PRELID2: variants seen among roughly 807,000 people sequenced by gnomAD.
PRELID2 encodes the protein PRELI domain containing 2.
PRELID2 carries 25 observed loss-of-function variants against 28.4 expected under a neutral mutation model. The ratio of observed to expected loss-of-function variants is 0.88; its 90% CI spans 0.64 to 1.23. PRELID2 has a LOEUF of 1.23. Ranked by LOEUF, PRELID2 falls within the 50% of genes most tolerant of loss-of-function variation. The pLI is 0.00. For missense variants in PRELID2, 201 were observed against 214.4 expected, an observed-to-expected ratio of 0.94 and a Z score of 0.39; for synonymous variants, 76 against 71.6, an observed-to-expected ratio of 1.06 and a Z score of -0.31.
the PRELID2 span, among the ~76,000 whole-genome samples, chr5:145,311,398 G>T: frequency 2.0e-5 from 3 of 152,110 alleles, no homozygotes; most frequent in East Asian, 1.9e-4. Context: ...TCTTGAAGTT[G>T]TTAGTTTTGG....
chr5:145,265,984 A>T, the PRELID2 span, among the ~76,000 whole-genome samples: 1 of 152,212 alleles, frequency 6.6e-6, no homozygotes, highest in Non-Finnish European at 1.5e-5. Context: ...TAAACTAAAA[A>T]GCTTCTGCAC....
the PRELID2 span, among the ~76,000 whole-genome samples, chr5:145,314,072 G>A: frequency 6.6e-6 from 1 of 152,104 alleles, no homozygotes; most frequent in Non-Finnish European, 1.5e-5. Context: ...TTTAAATTAT[G>A]TCATATCACT....
At chr5:145,692,803 A>G (rs1431945197) in intron 1 of PRELID2, among the ~76,000 whole-genome samples, 1 of 152,180 alleles carries the variant, frequency 6.6e-6, no homozygotes, top group Non-Finnish European at 1.5e-5. Context: ...CTTTAATGTT[A>G]AGTATACAGA....
At chr5:145,313,127 T>C in the PRELID2 span, among the ~76,000 whole-genome samples, 2 of 152,208 alleles carry the variant, frequency 1.3e-5, no homozygotes, top group African/African-American at 2.4e-5. Context: ...ATGTTACTAG[T>C]TCATAGAACT....
intron 1 of PRELID2, among the ~76,000 whole-genome samples, chr5:145,593,355 T>C (rs1261977469): frequency 6.6e-6 from 1 of 152,150 alleles, no homozygotes; most frequent in Admixed American, 6.6e-5. Context: ...ATCTGTAAAA[T>C]GAACCTGAAC....
At chr5:145,306,755 G>A in the PRELID2 span, among the ~76,000 whole-genome samples, 1 of 151,948 alleles carries the variant, frequency 6.6e-6, no homozygotes, top group Admixed American at 6.6e-5. Context: ...ATTAGTTTAT[G>A]AATTACGTAT....
At chr5:145,649,904 T>C (rs1267494742) in intron 1 of PRELID2, among the ~76,000 whole-genome samples, 1 of 152,234 alleles carries the variant, frequency 6.6e-6, no homozygotes, top group East Asian at 1.9e-4. Flanking sequence ...TGTCTGTTTT[T>C]ATCTCTTGTT....
the PRELID2 span, among the ~76,000 whole-genome samples, chr5:145,246,658 A>G: frequency 6.6e-6 from 1 of 152,274 alleles, no homozygotes; most frequent in East Asian, 1.9e-4. Context: ...GGTAAGAGAA[A>G]GAGAGCCAGT....
At chr5:145,308,593 A>G in the PRELID2 span, among the ~76,000 whole-genome samples, 1 of 152,102 alleles carries the variant, frequency 6.6e-6, no homozygotes, top group African/African-American at 2.4e-5. Context: ...ACGTAGGTGC[A>G]GATATTTTTA....
chr5:145,543,918 T>G (rs1752765160), intron 1 of PRELID2, among the ~76,000 whole-genome samples: 1 of 152,042 alleles, frequency 6.6e-6, no homozygotes, highest in African/African-American at 2.4e-5. Context: ...CTTTTCTTTC[T>G]GAGAACAGGT....
At chr5:145,647,438 T>A (rs62392285) in intron 1 of PRELID2, among the ~76,000 whole-genome samples, 4,807 of 152,258 alleles carry the variant, frequency 0.032, 146 homozygotes, top group African/African-American at 0.076. Flanking sequence ...TTCAAGCCAG[T>A]GGATCTTAGT....
intron 5 of PRELID2, among the ~76,000 whole-genome samples, chr5:145,786,261 C>T (rs1265667720): frequency 2.0e-5 from 3 of 152,190 alleles, no homozygotes; most frequent in Non-Finnish European, 4.4e-5. Context: ...CTCCTAGTGA[C>T]CTGTGCCTCC....
intron 1 of PRELID2, among the ~76,000 whole-genome samples, chr5:145,643,760 A>G (rs890001715): frequency 3.3e-5 from 5 of 152,172 alleles, no homozygotes; most frequent in African/African-American, 9.7e-5. Context: ...TTCTGTATCT[A>G]TTGAGATAAT....
chr5:145,234,648 A>C, the PRELID2 span, among the ~76,000 whole-genome samples: 1 of 152,202 alleles, frequency 6.6e-6, no homozygotes, highest in African/African-American at 2.4e-5. Context: ...AAGAACAAGC[A>C]ACTGCAGTAA....
the PRELID2 span, among the ~76,000 whole-genome samples, chr5:145,321,987 G>A: frequency 0.6 from 91,151 of 152,028 alleles, 28,036 homozygotes; most frequent in South Asian, 0.86. Flanking sequence ...TATTTTGATC[G>A]ATTTTTGTTT....
At chr5:145,431,284 C>G in the PRELID2 span, among the ~76,000 whole-genome samples, 39 of 151,948 alleles carry the variant, frequency 2.6e-4, no homozygotes, top group African/African-American at 9.4e-4. Flanking sequence ...CATGTTTCAG[C>G]ATAGACAATT....
At chr5:145,273,044 T>A in the PRELID2 span, among the ~76,000 whole-genome samples, 1 of 152,016 alleles carries the variant, frequency 6.6e-6, no homozygotes, top group South Asian at 2.1e-4. Flanking sequence ...AGAGCAGGGA[T>A]CTTGATCGCC....
intron 1 of PRELID2, among the ~76,000 whole-genome samples, chr5:145,751,333 G>A (rs1277845599): frequency 6.6e-6 from 1 of 152,214 alleles, no homozygotes; most frequent in African/African-American, 2.4e-5. Flanking sequence ...AGGAGTTCCA[G>A]TGATTGGGGG....
At chr5:145,629,286 G>A (rs1753899896) in intron 1 of PRELID2, among the ~76,000 whole-genome samples, 1 of 152,206 alleles carries the variant, frequency 6.6e-6, no homozygotes, top group Non-Finnish European at 1.5e-5. Flanking sequence ...GAGAGTATGA[G>A]TAGCCTGGTG....
Sources: allele counts gnomAD v4.1 joint callset (sites outside exome capture counted in the v4.1 genomes callset), GRCh38; gene constraint gnomAD v4.1.1; transcripts MANE v1.5; gene names NCBI Gene and HGNC (gene_info 2026-07-23, HGNC 2026-07-21).